The following CCSER1 variants were observed in gnomAD, a reference collection of about 807,000 sequenced individuals.
The protein encoded by CCSER1 is coiled-coil serine rich protein 1, also known as serine-rich coiled-coil domain-containing protein 1.
In CCSER1, 41 loss-of-function variants were observed where a neutral mutation model predicts 82.0. That is an observed-to-expected ratio of 0.50 (90% confidence interval 0.39 to 0.65). The LOEUF (loss-of-function observed/expected upper bound fraction) is 0.65, where lower values mean the gene tolerates loss of function less well. Among genes scored for constraint, CCSER1 ranks in the 30% least tolerant of loss-of-function variants. CCSER1 has a pLI of 0.00. For synonymous variants in CCSER1, 414 were observed against 383.9 expected (o/e 1.08, Z -0.92); for missense variants, 1,119 against 1,064.2 (o/e 1.05, Z -0.72).
At chr4:90,751,416 G>A (rs989351860) in intron 7 of CCSER1, among the ~76,000 whole-genome samples, 1 of 152,060 alleles carries the variant, frequency 6.6e-6, no homozygotes, top group African/African-American at 2.4e-5. Flanking sequence ...TAAATTACCT[G>A]TTGATTTGAG....
At chr4:91,281,196 A>T (rs1416178715) in intron 10 of CCSER1, among the ~76,000 whole-genome samples, 1 of 151,892 alleles carries the variant, frequency 6.6e-6, no homozygotes, top group East Asian at 1.9e-4. Context: ...CTTTCCTTCC[A>T]TGTCTTAGGC....
At chr4:90,273,956 C>T (rs1350854) in intron 1 of CCSER1, among the ~76,000 whole-genome samples, 28,588 of 151,986 alleles carry the variant, frequency 0.19, 3,079 homozygotes, top group South Asian at 0.27. Context: ...GATAATTTTG[C>T]ATATTTGAGT....
rs548204624 is a variant in CCSER1 at position 90,417,159 on chromosome 4, T to C, written c.1603+17030T>C. Among the ~76,000 whole-genome samples the C allele has an allele frequency of 6.6e-5, 10 of 152,198 alleles. No individual in the cohort carries two copies. The East Asian group carries it at 1.9e-3, about 29-fold the overall frequency. On this transcript the variant is annotated intron_variant, in intron 4 of 10. Coordinates refer to ENST00000509176, the MANE Select transcript of CCSER1 (RefSeq NM_001145065.2). ...GCAGCAAACCACCATGGCACATGTG[T>C]GCCTATGTAACAAACCTGCACCTTC...
intron 10 of CCSER1, among the ~76,000 whole-genome samples, chr4:91,499,991 T>C (rs1354661802): frequency 2.0e-5 from 3 of 152,070 alleles, no homozygotes; most frequent in Non-Finnish European, 4.4e-5. Flanking sequence ...TAAAAATCAA[T>C]AAGTGCAATT....
At chr4:91,466,046 G>A (rs1459412906) in intron 10 of CCSER1, among the ~76,000 whole-genome samples, 4 of 151,884 alleles carry the variant, frequency 2.6e-5, no homozygotes, top group Admixed American at 6.6e-5. Flanking sequence ...CAGAGCCACA[G>A]CAAAAAAAGA....
At chr4:91,081,145 T>C (rs1395009463) in intron 9 of CCSER1, among the ~76,000 whole-genome samples, 1 of 152,182 alleles carries the variant, frequency 6.6e-6, no homozygotes, top group Admixed American at 6.5e-5. Context: ...TGAACATCGA[T>C]GCAAAAATCC....
intron 6 of CCSER1, among the ~76,000 whole-genome samples, chr4:90,628,520 A>G (rs1019907862): frequency 6.6e-6 from 1 of 152,226 alleles, no homozygotes; most frequent in South Asian, 2.1e-4. Context: ...AGTATCAGCT[A>G]TATAGTTATG....
chr4:90,563,789 G>T (rs1779055034), intron 5 of CCSER1, among the ~76,000 whole-genome samples: 1 of 152,056 alleles, frequency 6.6e-6, no homozygotes, highest in South Asian at 2.1e-4. Flanking sequence ...CATTTTCTTT[G>T]GAATTATACC....
chr4:91,016,778 G>A (rs62309838), intron 9 of CCSER1, among the ~76,000 whole-genome samples: 41,689 of 151,958 alleles, frequency 0.27, 6,898 homozygotes, highest in East Asian at 0.39. Flanking sequence ...GCCACTTCCC[G>A]CTTAATTTCT....
At chr4:91,538,524 AG>A (rs1229895673) in intron 10 of CCSER1, among the ~76,000 whole-genome samples, 6 of 151,606 alleles carry the variant, frequency 4.0e-5, no homozygotes, top group Non-Finnish European at 8.8e-5. Context: ...AGAAAAAATG[AG>A]GAAGCCATCA....
intron 8 of CCSER1, among the ~76,000 whole-genome samples, chr4:90,856,194 G>A (rs1229834538): frequency 1.3e-5 from 2 of 152,022 alleles, no homozygotes; most frequent in Admixed American, 1.3e-4. Context: ...CAACACATGA[G>A]TCATATACCA....
At chr4:90,664,294 TAATGTAA>T (rs1731329498) in intron 6 of CCSER1, among the ~76,000 whole-genome samples, 2 of 152,188 alleles carry the variant, frequency 1.3e-5, no homozygotes, top group African/African-American at 4.8e-5. Flanking sequence ...AAATGGGACT[TAATGTAA>T]TGATATAATT....
At chr4:91,396,991 A>G (rs925901040) in intron 10 of CCSER1, among the ~76,000 whole-genome samples, 16 of 151,974 alleles carry the variant, frequency 1.1e-4, no homozygotes, top group Non-Finnish European at 1.9e-4. Context: ...GCCCTCCACA[A>G]TCACACTTCT....
intron 10 of CCSER1, among the ~76,000 whole-genome samples, chr4:91,563,545 C>G (rs1193597073): frequency 6.7e-6 from 1 of 149,178 alleles, no homozygotes; most frequent in African/African-American, 2.5e-5. Context: ...TGTTCCATAT[C>G]TACAACACAA....
chr4:91,520,608 T>C (rs965090656), intron 10 of CCSER1, among the ~76,000 whole-genome samples: 2 of 152,222 alleles, frequency 1.3e-5, no homozygotes, highest in African/African-American at 4.8e-5. Flanking sequence ...GTAGTTTCCT[T>C]TACTTTTGCT....
At chr4:90,791,659 G>A (rs752366364) in intron 7 of CCSER1, among the ~76,000 whole-genome samples, 1 of 152,120 alleles carries the variant, frequency 6.6e-6, no homozygotes, top group East Asian at 1.9e-4. Flanking sequence ...GACCATCCTG[G>A]CTAACACAGT....
intron 3 of CCSER1, among the ~76,000 whole-genome samples, chr4:90,386,069 A>T (rs1301373834): frequency 6.6e-6 from 1 of 152,222 alleles, no homozygotes; most frequent in Non-Finnish European, 1.5e-5. Context: ...TATTGTGAAA[A>T]TGAACATACT....
intron 10 of CCSER1, among the ~76,000 whole-genome samples, chr4:91,224,465 T>C (rs1225092222): frequency 1.3e-5 from 2 of 152,122 alleles, no homozygotes; most frequent in Admixed American, 6.6e-5. Context: ...GGAAATATTT[T>C]ATATCTGCAC....
chr4:90,740,000 C>T (rs1356068268), intron 7 of CCSER1, among the ~76,000 whole-genome samples: 1 of 152,022 alleles, frequency 6.6e-6, no homozygotes, highest in Non-Finnish European at 1.5e-5. Flanking sequence ...ATTTGTTGTT[C>T]CTGGTTGGGG....
Sources: gnomAD v4.1 joint callset for allele counts (sites outside exome capture counted in the v4.1 genomes callset) on GRCh38, gnomAD v4.1.1 for gene constraint, MANE v1.5 for transcripts, NCBI Gene and HGNC (gene_info 2026-07-23, HGNC 2026-07-21) for gene names.